The following DNAH5 variants were observed in gnomAD, a reference collection of about 807,000 sequenced individuals.
DNAH5 encodes the protein dynein axonemal heavy chain 5, also known as axonemal beta dynein heavy chain 5.
A neutral mutation model predicts 518.2 loss-of-function variants in DNAH5; 372 were observed. That is an observed-to-expected ratio of 0.72 (90% CI 0.66 to 0.78). DNAH5 has a LOEUF of 0.78. DNAH5 is among the 30% of genes least tolerant of loss of function. The pLI, the probability that DNAH5 is intolerant of heterozygous loss-of-function variation, is 0.00. For synonymous variants in DNAH5, 2,039 were observed against 2,025.9 expected (o/e 1.01, Z -0.17); for missense variants, 5,523 against 5,687.0 (o/e 0.97, Z 0.93).
intron 66 of DNAH5, among the ~76,000 whole-genome samples, chr5:13,736,317 C>T (rs545854060): frequency 1.3e-5 from 2 of 152,178 alleles, no homozygotes; most frequent in Non-Finnish European, 2.9e-5. Flanking sequence ...CCATGCCTAA[C>T]CTGGGCTTCA....
chr5:13,749,537 C>T (rs1044701964), intron 65 of DNAH5, among the ~76,000 whole-genome samples: 14 of 152,162 alleles, frequency 9.2e-5, no homozygotes, highest in Non-Finnish European at 1.9e-4. Context: ...GTTGCTGTTG[C>T]TGTTGTTGTG....
At chr5:14,002,365 G>GT (rs1384217230) in intron 1 of DNAH5, among the ~76,000 whole-genome samples, 1 of 151,974 alleles carries the variant, frequency 6.6e-6, no homozygotes, top group African/African-American at 2.4e-5. Context: ...ATGTTTTTAT[G>GT]TTTTTTTCTA....
chr5:13,888,479 TTC>T (rs762282929), intron 17 of DNAH5, among the ~76,000 whole-genome samples: 11 of 152,198 alleles, frequency 7.2e-5, no homozygotes, highest in Non-Finnish European at 1.5e-4. Context: ...AATCACAACT[TTC>T]TGTCAGGTAC....
intron 52 of DNAH5, among the ~76,000 whole-genome samples, chr5:13,782,833 TA>T (rs572058805): frequency 8.5e-4 from 130 of 152,314 alleles, no homozygotes; most frequent in Non-Finnish European, 1.3e-3. Context: ...ATAATCTAGT[TA>T]AATCCAGTGA....
At chr5:13,885,374 C>T in intron 18 of DNAH5, 146 bp from the exon 19 acceptor site, 1 of 1,040,248 alleles carries the variant, frequency 9.6e-7, no homozygotes, top group Non-Finnish European at 1.4e-6. Flanking sequence ...AAACATCACA[C>T]TTCTTAGGAA....
intron 1 of DNAH5, among the ~76,000 whole-genome samples, chr5:13,991,306 T>A (rs1428046297): frequency 6.6e-6 from 1 of 152,104 alleles, no homozygotes; most frequent in Non-Finnish European, 1.5e-5. Flanking sequence ...TCCATTGAGG[T>A]CTACGGCAAA....
chr5:13,723,593 T>C (rs978593186), intron 70 of DNAH5, among the ~76,000 whole-genome samples: 4 of 152,212 alleles, frequency 2.6e-5, no homozygotes, highest in African/African-American at 4.8e-5. Flanking sequence ...ATCATCTCTA[T>C]TGCAACTATT....
chr5:13,868,007 G>C lies in DNAH5; in HGVS notation c.3835-15C>G, dbSNP rs201231390. 48 of 1,605,236 alleles carry C rather than the reference G, an allele frequency of 3.0e-5. No homozygotes were observed. The East Asian group carries it at 8.9e-4, about 30-fold the overall frequency. On this transcript the variant is annotated splice_polypyrimidine_tract_variant and intron_variant, in intron 24 of 78. Transcript: ENST00000265104. ...GCATAAGATTCCTAAAAAAAAATAG[G>C]AAAAACTTAATTTTGGCCAGTCAGA...
chr5:14,009,161 G>T (rs73047594), intron 1 of DNAH5, among the ~76,000 whole-genome samples: 1,553 of 152,248 alleles, frequency 0.01, 27 homozygotes, highest in African/African-American at 0.035. Context: ...GCCATAAGAA[G>T]CAAAGCCAAA....
chr5:13,870,877 T>G lies in DNAH5; in HGVS notation c.3724A>C (p.Lys1242Gln). 3 of 1,613,856 alleles carry G rather than the reference T, an allele frequency of 1.9e-6. No homozygotes were observed. Among genetic ancestry groups the G allele is most frequent in the Non-Finnish European group, 2.5e-6 (3 of 1,179,806 alleles). The change falls in exon 24 of 79, where the codon AAA (lysine) becomes CAA (glutamine). Residue 1242 changes from lysine to glutamine, a missense_variant. Physicochemically the swap from Lys to Gln is moderately conservative, Grantham distance 53. This residue lies in a region of DNAH5 where 5,121 missense variants were observed against 5,223.3 expected (regional missense o/e 0.98). Transcript: ENST00000265104. ...IFMLIEEFNK[K>Q]LNRPIKDLDD... ...AGGTCCTTAATTGGACGATTTAGTT[T>G]CTTATTGAATTCTTCAATAAGCATA...
At position 13,917,202 on chromosome 5, in the gene DNAH5, T is replaced by C; in HGVS notation, c.1030A>G (p.Asn344Asp). ...ITDATNEAKD[N>D]VKYLYTLEKC... ...TCAAGTGTATACAAGTATTTCACAT[T>C]GTCCTTTGCTTCATTAGTTGCATCA... The change falls in exon 8 of 79, where the codon AAT becomes GAT. Residue 344 changes from asparagine to aspartate, a missense_variant. Asn to Asp is a conservative substitution (Grantham distance 23). Around this residue, in one of 3 missense-constraint regions of DNAH5, gnomAD observed 5,121 missense variants for 5,223.3 expected, o/e 0.98. Coordinates refer to ENST00000265104, the MANE Select transcript of DNAH5 (RefSeq NM_001369.3). 1.2e-6 allele frequency: 2 copies of C among 1,614,096 alleles called. No homozygotes were observed. Among genetic ancestry groups the C allele is most frequent in the Non-Finnish European group, 1.7e-6 (2 of 1,179,980 alleles).
chr5:13,942,919 T>A (rs983363317), intron 1 of DNAH5, among the ~76,000 whole-genome samples: 2 of 151,656 alleles, frequency 1.3e-5, no homozygotes, highest in South Asian at 2.1e-4. Context: ...CACTGAATAA[T>A]TTTTTTTCTT....
In DNAH5 at chr5:13,726,496, T is replaced by C. The variant is rs553108390; in HGVS notation, c.12033+1011A>G. Among the ~76,000 whole-genome samples the C allele has an allele frequency of 2.0e-5, 3 of 152,328 alleles. No homozygotes were observed. The South Asian group carries it at 6.2e-4, about 32-fold the overall frequency. On this transcript the variant is annotated intron_variant, in intron 70 of 78. Transcript: ENST00000265104. ...TTCAGCATTGAAGCAAATATAGCTT[T>C]CTATGGAAAAAGATAAGAAAGAGAC... is the stretch of plus-strand genomic sequence containing the variant.
intron 47 of DNAH5, among the ~76,000 whole-genome samples, chr5:13,801,982 A>G (rs1406687688): frequency 6.6e-6 from 1 of 152,176 alleles, no homozygotes; most frequent in Non-Finnish European, 1.5e-5. Flanking sequence ...CAGGATTATC[A>G]TTAGCCAAAT....
chr5:14,001,665 G>C (rs1297854840), intron 1 of DNAH5, among the ~76,000 whole-genome samples: 1 of 149,196 alleles, frequency 6.7e-6, no homozygotes, highest in African/African-American at 2.5e-5. Context: ...GCCCAGCCTA[G>C]TTTTTTTCTT....
chr5:13,887,652 G>A (rs769878194), intron 17 of DNAH5, among the ~76,000 whole-genome samples: 5 of 152,066 alleles, frequency 3.3e-5, no homozygotes, highest in South Asian at 2.1e-4. Context: ...CCTACTAGAC[G>A]CCATGTCTTC....
At chr5:13,910,647 C>T (rs987193068) in intron 12 of DNAH5, among the ~76,000 whole-genome samples, 1 of 152,162 alleles carries the variant, frequency 6.6e-6, no homozygotes, top group Non-Finnish European at 1.5e-5. Context: ...TCCCATCTTA[C>T]CCTCCCTGAC....
chr5:13,890,803 T>TA (rs1773118571), intron 17 of DNAH5, among the ~76,000 whole-genome samples, 173 bp downstream of exon 17: 1 of 152,220 alleles, frequency 6.6e-6, no homozygotes, highest in Non-Finnish European at 1.5e-5. Flanking sequence ...CTTACTTAGA[T>TA]ACATTTCTCT....
Position 13,920,624 on chromosome 5 carries a change from A to G in DNAH5, c.661-7T>C, listed in dbSNP as rs1777148974. On this transcript the variant is annotated splice_region_variant and splice_polypyrimidine_tract_variant and intron_variant, in intron 5 of 78. Coordinates refer to ENST00000265104, the MANE Select transcript of DNAH5 (RefSeq NM_001369.3). The stretch of plus-strand genomic sequence containing the variant: ...CACACTTTCGAAGGTTCACCTAATT[A>G]GAATGAAAATTAAATAATCAGATGA... 6.2e-7 allele frequency: 1 copy of G among 1,613,944 alleles called. No individual in the cohort carries two copies. The highest frequency in any genetic ancestry group is 1.7e-5 in the Admixed American group (1 of 60,008).
Sources: gnomAD v4.1 joint callset for allele counts (sites outside exome capture counted in the v4.1 genomes callset) on GRCh38, gnomAD v4.1.1 for gene constraint, gnomAD v4.1.1 regional missense constraint, MANE v1.5 for transcripts, NCBI Gene and HGNC (gene_info 2026-07-23, HGNC 2026-07-21) for gene names.